Variants in LIPI observed in about 807,000 individuals in gnomAD.
LIPI encodes the protein lipase I.
LIPI carries 59 observed loss-of-function variants against 50.6 expected under a neutral mutation model. That is an observed-to-expected ratio of 1.16 (90% confidence interval 0.94 to 1.45). The LOEUF is 1.45. Ranked by LOEUF, LIPI falls within the 40% of genes most tolerant of loss-of-function variation. The pLI, the probability that LIPI is intolerant of heterozygous loss-of-function variation, is 0.00. For missense variants in LIPI, 586 were observed against 536.3 expected (o/e 1.09, Z -0.92); for synonymous variants, 203 against 178.2 (o/e 1.14, Z -1.11).
chr21:14,142,351 A>C (rs190397320), intron 9 of LIPI, among the ~76,000 whole-genome samples: 20 of 151,992 alleles, frequency 1.3e-4, no homozygotes, highest in Middle Eastern at 3.4e-3. Context: ...TGAATAAATA[A>C]ATGAATACAT....
intron 4 of LIPI, among the ~76,000 whole-genome samples, chr21:14,178,363 T>A (rs2019161625): frequency 6.6e-6 from 1 of 152,116 alleles, no homozygotes; most frequent in South Asian, 2.1e-4. Flanking sequence ...ATGCATCTCT[T>A]AACTGTTGGT....
intron 7 of LIPI, among the ~76,000 whole-genome samples, chr21:14,153,195 T>G (rs1254247302): frequency 6.6e-6 from 1 of 152,176 alleles, no homozygotes; most frequent in Admixed American, 6.5e-5. Context: ...TTTACTAAAC[T>G]TTGGTAGAGT....
intron 7 of LIPI, among the ~76,000 whole-genome samples, chr21:14,159,921 C>T (rs990485211): frequency 2.0e-5 from 3 of 151,348 alleles, no homozygotes; most frequent in Admixed American, 2.0e-4. Flanking sequence ...ATACACACAA[C>T]AAAAGATGCA....
intron 3 of LIPI, among the ~76,000 whole-genome samples, chr21:14,185,168 G>A (rs995105008): frequency 6.6e-6 from 1 of 152,142 alleles, no homozygotes; most frequent in African/African-American, 2.4e-5. Context: ...AGATGACTGA[G>A]CTTCCTGGAT....
At chr21:14,182,002 A>C in intron 3 of LIPI, 143 bp from the exon 4 acceptor site, 1 of 655,282 alleles carries the variant, frequency 1.5e-6, no homozygotes, top group Non-Finnish European at 2.8e-6. Context: ...CTAAAAACAA[A>C]TGGAAGTGAA....
chr21:14,136,037 T>C (rs2017487206), intron 9 of LIPI, among the ~76,000 whole-genome samples: 2 of 152,116 alleles, frequency 1.3e-5, no homozygotes, highest in African/African-American at 4.8e-5. Context: ...AGGCTCTAGC[T>C]CCTAGAAAAC....
At chr21:14,132,851 T>C (rs2017346811) in intron 9 of LIPI, among the ~76,000 whole-genome samples, 1 of 152,144 alleles carries the variant, frequency 6.6e-6, no homozygotes, top group Non-Finnish European at 1.5e-5. Context: ...CAAAAGATCT[T>C]GAGAGACTAT....
chr21:14,210,347 G>T (rs959813911), intron 1 of LIPI, among the ~76,000 whole-genome samples: 1 of 152,050 alleles, frequency 6.6e-6, no homozygotes, highest in Admixed American at 6.5e-5. Flanking sequence ...AGCAAAAGTT[G>T]TAGTATCTGG....
chr21:14,141,569 C>T (rs146169744), intron 9 of LIPI, among the ~76,000 whole-genome samples: 1,656 of 152,208 alleles, frequency 0.011, 31 homozygotes, highest in African/African-American at 0.036. Context: ...AACCTTATTT[C>T]TAAATCTTGA....
At chr21:14,146,014 A>G (rs2017890669) in intron 8 of LIPI, among the ~76,000 whole-genome samples, 1 of 152,150 alleles carries the variant, frequency 6.6e-6, no homozygotes, top group Non-Finnish European at 1.5e-5. Context: ...TTCCATGAAC[A>G]TATCCAAATT....
chr21:14,179,988 C>T (rs989788112), intron 4 of LIPI, among the ~76,000 whole-genome samples: 5 of 152,030 alleles, frequency 3.3e-5, no homozygotes, highest in Admixed American at 6.6e-5. Context: ...GGAAAGATAT[C>T]GCTAAATTCT....
At chr21:14,139,697 G>A (rs556831231) in intron 9 of LIPI, among the ~76,000 whole-genome samples, 2 of 152,264 alleles carry the variant, frequency 1.3e-5, no homozygotes, top group South Asian at 2.1e-4. Flanking sequence ...GATAGTGGAA[G>A]AGCTGCTGCT....
intron 9 of LIPI, among the ~76,000 whole-genome samples, chr21:14,111,127 ATTAG>A (rs2016395124): frequency 6.6e-6 from 1 of 151,770 alleles, no homozygotes; most frequent in African/African-American, 2.4e-5. Context: ...TGAATCATAT[ATTAG>A]TTCTATTTTT....
At chr21:14,166,722 G>A (rs1274527884) in intron 4 of LIPI, among the ~76,000 whole-genome samples, 2 of 152,162 alleles carry the variant, frequency 1.3e-5, no homozygotes, top group African/African-American at 4.8e-5. Context: ...AAGAAATAGA[G>A]AGGGCAGCCA....
intron 2 of LIPI, 31 bp downstream of exon 2, chr21:14,189,003 C>A (rs1355180800): frequency 6.5e-7 from 1 of 1,529,402 alleles, no homozygotes; most frequent in South Asian, 1.1e-5. Context: ...TATTGTATAG[C>A]ATGTATAATA....
At chr21:14,182,355 C>T (rs1369079889) in intron 3 of LIPI, among the ~76,000 whole-genome samples, 2 of 152,010 alleles carry the variant, frequency 1.3e-5, no homozygotes, top group Admixed American at 1.3e-4. Flanking sequence ...CTCACACACT[C>T]TTAAGAAAAG....
At chr21:14,192,622 AACTT>A (rs2019714547) in intron 1 of LIPI, among the ~76,000 whole-genome samples, 1 of 152,336 alleles carries the variant, frequency 6.6e-6, no homozygotes, top group Admixed American at 6.5e-5. Context: ...AGACAACAAA[AACTT>A]ACAGAAATCC....
chr21:14,184,340 T>A (rs374117323), intron 3 of LIPI, among the ~76,000 whole-genome samples: 3 of 151,256 alleles, frequency 2.0e-5, no homozygotes, highest in East Asian at 3.9e-4. Flanking sequence ...GTGGGGGAAG[T>A]GGGGAGGGAT....
At chr21:14,168,669 G>C (rs9975982) in intron 4 of LIPI, among the ~76,000 whole-genome samples, 1 of 151,922 alleles carries the variant, frequency 6.6e-6, no homozygotes, top group Non-Finnish European at 1.5e-5. Flanking sequence ...AATGCTGAGA[G>C]ATTTTTGTCA....
Sources: allele counts gnomAD v4.1 joint callset (sites outside exome capture counted in the v4.1 genomes callset), GRCh38; gene constraint gnomAD v4.1.1; transcripts MANE v1.5; gene names NCBI Gene and HGNC (gene_info 2026-07-23, HGNC 2026-07-21).